SYTL2: variants seen among roughly 807,000 people sequenced by gnomAD.
SYTL2 encodes synaptotagmin like 2.
A neutral mutation model predicts 198.7 loss-of-function variants in SYTL2; 165 were observed. That is an observed-to-expected ratio of 0.83 (90% CI 0.73 to 0.94). The LOEUF is 0.94. Among genes scored for constraint, SYTL2 ranks in the 40% least tolerant of loss-of-function variants. SYTL2 has a pLI of 0.00. For missense variants in SYTL2, 2,835 were observed against 2,582.8 expected, an observed-to-expected ratio of 1.10 and a Z score of -2.12; for synonymous variants, 966 against 917.7, an observed-to-expected ratio of 1.05 and a Z score of -0.95.
At chr11:85,821,165 C>G in the SYTL2 span, among the ~76,000 whole-genome samples, 2 of 152,182 alleles carry the variant, frequency 1.3e-5, no homozygotes, top group African/African-American at 4.8e-5. Context: ...AGATGCACAT[C>G]TTTTTTTATA....
chr11:85,711,694 T>C (rs1252283365), intron 12 of SYTL2, among the ~76,000 whole-genome samples: 2 of 152,190 alleles, frequency 1.3e-5, no homozygotes, highest in African/African-American at 2.4e-5. Context: ...AATCTTTTAC[T>C]TGACACACTA....
At chr11:85,708,837 A>ACTTTTT (rs767972741) in intron 14 of SYTL2, among the ~76,000 whole-genome samples, 8 of 71,592 alleles carry the variant, frequency 1.1e-4, no homozygotes, top group African/African-American at 4.1e-4. Flanking sequence ...CTTCTCTGTG[A>ACTTTTT]TTTTTTTTTT....
In SYTL2 at chr11:85,737,612, T is replaced by G; in HGVS notation, c.434A>C (p.Gln145Pro). Residue 145 changes from glutamine to proline, a missense_variant, in exon 5 of 20, where the codon CAG (glutamine) becomes CCG (proline). By Grantham distance (76) the Gln-to-Pro change is moderately conservative. This residue lies in a region of SYTL2 where 2,645 missense variants were observed against 2,381.7 expected (regional missense o/e 1.11). Transcript: ENST00000359152. ...NPASSVIDMS[Q>P]ENTRKPNVSP... is the part of the protein sequence containing the mutation. Reference sequence around the variant, plus strand: ...CACATTTGGTTTCCTTGTGTTTTCCTGGGACATATCAATCACACTGGAAGC... The same window carrying G: ...CACATTTGGTTTCCTTGTGTTTTCCGGGGACATATCAATCACACTGGAAGC... The G allele has an allele frequency of 6.2e-7, 1 of 1,614,044 alleles. No homozygotes were observed. The highest frequency in any genetic ancestry group is 8.5e-7 in the Non-Finnish European group (1 of 1,179,882).
At chr11:85,776,763 C>T (rs560229454) in intron 1 of SYTL2, among the ~76,000 whole-genome samples, 5 of 152,184 alleles carry the variant, frequency 3.3e-5, no homozygotes, top group Non-Finnish European at 7.4e-5. Context: ...GGGTATATGC[C>T]CAGTAATGGG....
chr11:85,843,093 G>A, the SYTL2 span, among the ~76,000 whole-genome samples: 3 of 152,178 alleles, frequency 2.0e-5, no homozygotes, highest in Non-Finnish European at 4.4e-5. Flanking sequence ...TCTAAAATGG[G>A]CCAGGCATGG....
the SYTL2 span, among the ~76,000 whole-genome samples, chr11:85,850,185 G>A: frequency 1.4e-5 from 2 of 147,480 alleles, no homozygotes; most frequent in African/African-American, 5.0e-5. Flanking sequence ...AGGAGATTTT[G>A]GGCTGAGACA....
chr11:85,775,148 T>C (rs2092430094), intron 1 of SYTL2, among the ~76,000 whole-genome samples: 1 of 152,240 alleles, frequency 6.6e-6, no homozygotes, highest in South Asian at 2.1e-4. Flanking sequence ...TAAACACTTT[T>C]CATAAGACAT....
At chr11:85,696,594 G>C in intron 18 of SYTL2, 1 of 568,074 alleles carries the variant, frequency 1.8e-6, no homozygotes, top group East Asian at 2.9e-5. Flanking sequence ...AGCTATACTT[G>C]GTTTGAATCC....
chr11:85,851,648 A>G, the SYTL2 span, among the ~76,000 whole-genome samples: 6 of 152,254 alleles, frequency 3.9e-5, no homozygotes, highest in African/African-American at 1.4e-4. Flanking sequence ...TAAACACTAT[A>G]AGAAAAACTG....
At chr11:85,783,499 AC>A (rs2092593900) in intron 1 of SYTL2, among the ~76,000 whole-genome samples, 1 of 152,182 alleles carries the variant, frequency 6.6e-6, no homozygotes, top group Admixed American at 6.5e-5. Context: ...ATATATCCTA[AC>A]ACCCTTGTTC....
chr11:85,767,518 A>G (rs2092266834), intron 1 of SYTL2, among the ~76,000 whole-genome samples: 1 of 152,190 alleles, frequency 6.6e-6, no homozygotes, highest in Admixed American at 6.5e-5. Context: ...TCATAAAGTT[A>G]ACTGAACTGT....
At chr11:85,842,088 C>T in the SYTL2 span, among the ~76,000 whole-genome samples, 9 of 152,216 alleles carry the variant, frequency 5.9e-5, no homozygotes, top group Admixed American at 6.5e-5. Flanking sequence ...ACATGGTCTA[C>T]ACCCTTACAG....
rs755263993 is a variant in SYTL2 at position 85,734,296 on chromosome 11, T to C, written c.1033A>G (p.Ser345Gly). ...TCCCGACCATGGATTAGCCCAGGACTCTGTGGAAGCTCATCCTTCACTGCA... is the reference window on the plus strand; with the variant it reads ...TCCCGACCATGGATTAGCCCAGGACCCTGTGGAAGCTCATCCTTCACTGCA... The part of the protein sequence containing the change: ...FSAVKDELPQ[S>G]PGLIHGREVG... Residue 345 changes from serine to glycine, a missense_variant, in exon 7 of 20, where the codon AGT becomes GGT. Coordinates refer to ENST00000359152, the MANE Select transcript of SYTL2 (RefSeq NM_206927.4). 68 of 1,614,062 alleles carry C rather than the reference T, an allele frequency of 4.2e-5. No homozygotes were observed. The Admixed American group carries it at 1.1e-3, about 27-fold the overall frequency.
chr11:85,752,945 A>AAAAAAAC, intron 2 of SYTL2, among the ~76,000 whole-genome samples: 1 of 142,434 alleles, frequency 7.0e-6, no homozygotes, highest in Non-Finnish European at 1.5e-5. Context: ...AAAAAAAAAA[A>AAAAAAAC]AAAAAACACA....
chr11:85,714,474 A>G lies in SYTL2; in HGVS notation c.5564T>C (p.Phe1855Ser). The change falls in exon 12 of 20, where the codon TTT becomes TCT. Residue 1855 changes from phenylalanine to serine, a missense_variant. Physicochemically the swap from Phe to Ser is radical, Grantham distance 155. Around this residue, in one of 3 missense-constraint regions of SYTL2, gnomAD observed 2,645 missense variants for 2,381.7 expected, o/e 1.11. Coordinates refer to ENST00000359152, the MANE Select transcript of SYTL2 (RefSeq NM_206927.4). ...STVPTQPDNP[F>S]SHPDKLKRMS... Reference sequence around the variant, plus strand: ...CCTTTTGAGTTTGTCAGGGTGAGAAAATGGATTATCAGGTTGTGTAGGCAC... The same window carrying G: ...CCTTTTGAGTTTGTCAGGGTGAGAAGATGGATTATCAGGTTGTGTAGGCAC... The G allele has an allele frequency of 2.5e-6, 4 of 1,613,764 alleles. No homozygotes were observed. The highest frequency in any genetic ancestry group is 3.4e-6 in the Non-Finnish European group (4 of 1,179,688).
chr11:85,750,368 A>C (rs941223543), intron 2 of SYTL2, among the ~76,000 whole-genome samples: 7 of 152,092 alleles, frequency 4.6e-5, no homozygotes, highest in African/African-American at 1.7e-4. Context: ...TCTTTCCCTC[A>C]CTTCTCTGTC....
Position 85,810,720 on chromosome 11 carries a change from TC to T in SYTL2, c.-390+233del, listed in dbSNP as rs572263631. ...CCTCGCCTACCCGGGCATCCCAGCT[TC>T]CTGGCCGCCTGGGCAGCGGAGGTGG... On this transcript the variant is annotated intron_variant, in intron 1 of 19. Coordinates refer to ENST00000359152, the MANE Select transcript of SYTL2 (RefSeq NM_206927.4). Among the ~76,000 whole-genome samples the T allele has an allele frequency of 2.1e-3, 323 of 152,258 alleles. 2 individuals carry two copies. The highest frequency in any genetic ancestry group is 7.4e-3 in the African/African-American group (307 of 41,564).
rs1396383017 is a variant in SYTL2, at chr11:85,727,389, C to G, written c.1969G>C (p.Gly657Arg). ...GAAGGAGATGCCCCATTCCCTTTTCCTGGGCTTTTTGAATCTTGGCTATAG... is the reference window on the plus strand; with the variant it reads ...GAAGGAGATGCCCCATTCCCTTTTCGTGGGCTTTTTGAATCTTGGCTATAG... ...MDYSQDSKSP[G>R]KGNGASPSNS... The change falls in exon 8 of 20, where the codon GGA becomes CGA. Residue 657 changes from glycine to arginine, a missense_variant. This residue lies in a region of SYTL2 where 2,645 missense variants were observed against 2,381.7 expected (regional missense o/e 1.11). Transcript: ENST00000359152. The G allele has an allele frequency of 1.3e-6, 2 of 1,536,192 alleles. No homozygotes were observed. Among genetic ancestry groups the G allele is most frequent in the Non-Finnish European group, 8.7e-7 (1 of 1,146,942 alleles).
chr11:85,705,769 C>A (rs965563963), intron 15 of SYTL2, among the ~76,000 whole-genome samples: 1 of 152,126 alleles, frequency 6.6e-6, no homozygotes, highest in Admixed American at 6.6e-5. Flanking sequence ...CTGCCTTTCT[C>A]TGAGCTTAAC....
Sources: gnomAD v4.1 joint callset for allele counts (sites outside exome capture counted in the v4.1 genomes callset) on GRCh38, gnomAD v4.1.1 for gene constraint, gnomAD v4.1.1 regional missense constraint, MANE v1.5 for transcripts, NCBI Gene and HGNC (gene_info 2026-07-23, HGNC 2026-07-21) for gene names.